The following NTN1 variants were observed in gnomAD, a reference collection of about 807,000 sequenced individuals.
NTN1 encodes the protein netrin-1.
NTN1 carries 11 observed loss-of-function variants against 54.2 expected under a neutral mutation model. The ratio of observed to expected loss-of-function variants is 0.20; its 90% CI spans 0.13 to 0.34. The LOEUF is 0.34. Among genes scored for constraint, NTN1 ranks in the 10% least tolerant of loss-of-function variants. The pLI is 1.00. For synonymous variants in NTN1, 371 were observed against 382.0 expected (o/e 0.97, Z 0.33); for missense variants, 740 against 893.1 (o/e 0.83, Z 2.18).
At chr17:9,235,779 G>A (rs115045772) in intron 6 of NTN1, among the ~76,000 whole-genome samples, 2,098 of 143,142 alleles carry the variant, frequency 0.015, 47 homozygotes, top group African/African-American at 0.054. Context: ...ACAGAGTCTC[G>A]CCCTGTCCCC....
intron 2 of NTN1, among the ~76,000 whole-genome samples, chr17:9,127,078 G>GGT (rs202090615): frequency 1.4e-5 from 2 of 142,246 alleles, no homozygotes; most frequent in African/African-American, 2.5e-5. Flanking sequence ...GGCCGGGGGG[G>GGT]GGCAGGACAG....
chr17:9,172,783 G>A (rs1296072426), intron 3 of NTN1: 3 of 151,900 alleles, frequency 2.0e-5, no homozygotes, highest in Non-Finnish European at 2.9e-5. Context: ...AGGCCAAGGC[G>A]GGTAGATCAC....
At chr17:9,198,916 T>C (rs991537855) in intron 5 of NTN1, among the ~76,000 whole-genome samples, 2 of 152,208 alleles carry the variant, frequency 1.3e-5, no homozygotes, top group Admixed American at 6.5e-5. Flanking sequence ...GGAGGCACCA[T>C]TGAGCTCCAT....
chr17:9,026,402 A>G (rs1050578328), intron 2 of NTN1, among the ~76,000 whole-genome samples: 6 of 129,684 alleles, frequency 4.6e-5, no homozygotes, highest in Admixed American at 1.6e-4. Flanking sequence ...GGGGGGGGGG[A>G]ACAAACAACC....
Position 9,183,153 on chromosome 17 carries a change from C to A in NTN1, c.1411+184C>A. ...GGAGCTATAGGACACTATTTTGTGG[C>A]TTTCCCTCTGAGAATCAAATGGAGG... On this transcript the variant is annotated intron_variant, in intron 5 of 6. Coordinates refer to ENST00000173229, the MANE Select transcript of NTN1 (RefSeq NM_004822.3). 4.3e-6 allele frequency: 3 copies of A among 698,998 alleles called. No individual in the cohort carries two copies. The South Asian group carries it at 4.8e-5, about 11-fold the overall frequency. 43.3% of individuals were successfully genotyped at this position (698,998 alleles called of 1,614,324 possible). A position where few individuals can be genotyped will look rare whatever the true frequency, so the allele number is the denominator to read the frequency against.
At chr17:9,182,863 C>T (rs878931912) in intron 4 of NTN1, 53 bp from the exon 5 acceptor site, 113 of 1,578,954 alleles carry the variant, frequency 7.2e-5, no homozygotes, top group Non-Finnish European at 9.1e-5. Context: ...AAAATCATGT[C>T]GTCTTACCTT....
intron 2 of NTN1, among the ~76,000 whole-genome samples, chr17:9,038,096 A>C (rs1382737728): frequency 6.6e-6 from 1 of 152,156 alleles, no homozygotes; most frequent in Non-Finnish European, 1.5e-5. Flanking sequence ...CAAATATGCA[A>C]ATAAATGACT....
At chr17:9,228,915 TGACTGC>T (rs1272810385) in intron 6 of NTN1, among the ~76,000 whole-genome samples, 3 of 129,946 alleles carry the variant, frequency 2.3e-5, no homozygotes, top group African/African-American at 6.1e-5. Flanking sequence ...TGACTGTGTG[TGACTGC>T]GTGTGTGACT....
chr17:9,188,674 G>A (rs1904358983), intron 5 of NTN1, among the ~76,000 whole-genome samples: 1 of 152,112 alleles, frequency 6.6e-6, no homozygotes, highest in Admixed American at 6.6e-5. Flanking sequence ...TCGTCTTCCA[G>A]CCCTTTAGCT....
At chr17:9,070,102 C>T (rs1057496620) in intron 2 of NTN1, among the ~76,000 whole-genome samples, 2 of 152,222 alleles carry the variant, frequency 1.3e-5, no homozygotes, top group African/African-American at 2.4e-5. Context: ...CTGTACCACA[C>T]TGAGTGGGTT....
intron 2 of NTN1, among the ~76,000 whole-genome samples, chr17:9,134,170 T>C (rs1306448415): frequency 6.6e-6 from 1 of 152,172 alleles, no homozygotes; most frequent in Non-Finnish European, 1.5e-5. Flanking sequence ...CCCAAAGTGC[T>C]GGGATTACAG....
intron 2 of NTN1, among the ~76,000 whole-genome samples, chr17:9,136,840 GCAGTCGGAGCCTGTT>G (rs2092282956): frequency 6.6e-6 from 1 of 152,108 alleles, no homozygotes; most frequent in African/African-American, 2.4e-5. Context: ...CAGGCTCTTC[GCAGTCGGAGCCTGTT>G]CAGACCTTTC....
chr17:9,199,156 G>A (rs1011272273), intron 5 of NTN1, among the ~76,000 whole-genome samples: 8 of 152,154 alleles, frequency 5.3e-5, no homozygotes, highest in African/African-American at 1.9e-4. Flanking sequence ...TTGTTTGTTT[G>A]TTTGAGACAG....
chr17:9,202,112 G>A (rs543879670), intron 5 of NTN1, among the ~76,000 whole-genome samples: 10 of 137,152 alleles, frequency 7.3e-5, no homozygotes, highest in Non-Finnish European at 1.4e-4. Context: ...ATGGTGGTAC[G>A]CACCTGTAGT....
chr17:9,132,209 T>TCA (rs1380247419), intron 2 of NTN1, among the ~76,000 whole-genome samples: 1 of 152,090 alleles, frequency 6.6e-6, no homozygotes, highest in Non-Finnish European at 1.5e-5. Context: ...CCTCTACCCA[T>TCA]CACACTCACA....
chr17:9,072,314 C>G (rs966467684), intron 2 of NTN1, among the ~76,000 whole-genome samples: 1 of 149,264 alleles, frequency 6.7e-6, no homozygotes, highest in Non-Finnish European at 1.5e-5. Context: ...GACCATTGTT[C>G]GTGAGAATTC....
rs1906116893 is a variant in NTN1 at position 9,239,663 on chromosome 17, G to A, written c.1510G>A (p.Ala504Thr). 6.2e-7 allele frequency: 1 copy of A among 1,611,358 alleles called. No homozygotes were observed. The highest frequency in any genetic ancestry group is 2.2e-5 in the East Asian group (1 of 44,794). ...AGCCGTCCAGATCCACATCCTGAAG[G>A]CGGACAAGGCGGGGGACTGGTGGAA... ...DYAVQIHILK[A>T]DKAGDWWKFT... is the part of the protein sequence containing the mutation. The change falls in exon 7 of 7, where the codon GCG becomes ACG. Residue 504 changes from alanine (A) to threonine (T), a missense_variant. Coordinates refer to ENST00000173229, the MANE Select transcript of NTN1 (RefSeq NM_004822.3). The surrounding 1 kb of genome is among the most constrained non-coding windows in gnomAD (Gnocchi z 5.2).
At chr17:9,151,349 G>C (rs957530213) in intron 2 of NTN1, among the ~76,000 whole-genome samples, 4 of 152,216 alleles carry the variant, frequency 2.6e-5, no homozygotes, top group Middle Eastern at 3.4e-3. Context: ...CTAAGCCCTC[G>C]ACAAACACAG....
At chr17:9,229,295 G>A (rs1905726727) in intron 6 of NTN1, among the ~76,000 whole-genome samples, 1 of 152,200 alleles carries the variant, frequency 6.6e-6, no homozygotes, top group African/African-American at 2.4e-5. Context: ...TGGAAACCAA[G>A]TAGAGGGCTT....
Sources: allele counts gnomAD v4.1 joint callset (sites outside exome capture counted in the v4.1 genomes callset), GRCh38; gene constraint gnomAD v4.1.1; non-coding constraint Gnocchi (gnomAD v3.1); transcripts MANE v1.5; gene names NCBI Gene and HGNC (gene_info 2026-07-23, HGNC 2026-07-21).